Variants in SNX27 observed in about 807,000 individuals in gnomAD.
SNX27 encodes the protein sorting nexin-27.
Under a neutral mutation model 71.6 loss-of-function variants are expected in SNX27, and 22 were observed. The ratio of observed to expected loss-of-function variants is 0.31; its 90% CI spans 0.22 to 0.44. SNX27 has a LOEUF of 0.44. SNX27 is among the 20% of genes least tolerant of loss of function. The probability of loss-of-function intolerance (pLI) is 1.00; values close to 1 mark genes in which losing one functional copy is unlikely to be tolerated. For missense variants in SNX27, 531 were observed against 698.6 expected (o/e 0.76, Z 2.70); for synonymous variants, 269 against 277.2 (o/e 0.97, Z 0.29).
intron 2 of SNX27, among the ~76,000 whole-genome samples, chr1:151,641,695 C>CAT (rs1285974901): frequency 1.6e-5 from 2 of 125,020 alleles, no homozygotes; most frequent in South Asian, 2.5e-4. Context: ...ATATATATAT[C>CAT]ATATATATGA....
chr1:151,673,028 G>A (rs1290585234), intron 7 of SNX27, among the ~76,000 whole-genome samples: 5 of 150,630 alleles, frequency 3.3e-5, no homozygotes, highest in Non-Finnish European at 3.0e-5. Context: ...GGTTTGGTTT[G>A]CTCTTGCTTT....
chr1:151,653,255 T>A (rs1669502666), intron 2 of SNX27, among the ~76,000 whole-genome samples: 2 of 150,176 alleles, frequency 1.3e-5, no homozygotes, highest in Admixed American at 1.3e-4. Context: ...TTTGTTTGTT[T>A]GTTTTCCATT....
chr1:151,641,598 GATATATATATATATATATATATAT>G (rs56886589), intron 2 of SNX27, among the ~76,000 whole-genome samples: 2 of 78,994 alleles, frequency 2.5e-5, no homozygotes, highest in Non-Finnish European at 5.0e-5. Context: ...TCCTTTATCA[GATATATATATATATATATATATAT>G]ATATATATCA....
At chr1:151,623,367 T>C (rs1667767782) in intron 1 of SNX27, among the ~76,000 whole-genome samples, 1 of 152,040 alleles carries the variant, frequency 6.6e-6, no homozygotes, top group Admixed American at 6.6e-5. Flanking sequence ...GTCTCTATCT[T>C]CTGACCTCGT....
intron 11 of SNX27, 165 bp downstream of exon 11, chr1:151,693,648 G>C (rs1423991800): frequency 5.6e-6 from 9 of 1,613,140 alleles, no homozygotes; most frequent in Non-Finnish European, 7.6e-6. Flanking sequence ...TTCCAGCAAG[G>C]TTGGCCTCTG....
At chr1:151,665,563 A>T (rs2102689422) in intron 5 of SNX27, among the ~76,000 whole-genome samples, 1 of 152,314 alleles carries the variant, frequency 6.6e-6, no homozygotes, top group East Asian at 1.9e-4. Context: ...TCTTTTTAAG[A>T]TCTGTGCTAT....
intron 7 of SNX27, among the ~76,000 whole-genome samples, chr1:151,672,210 A>G (rs1353039412): frequency 1.3e-5 from 2 of 152,094 alleles, no homozygotes; most frequent in Non-Finnish European, 2.9e-5. Context: ...TTATGAAAGG[A>G]TGTTGAATTT....
At chr1:151,638,697 C>A (rs1251485044) in intron 1 of SNX27, among the ~76,000 whole-genome samples, 191 bp from the exon 2 acceptor site, 1 of 152,090 alleles carries the variant, frequency 6.6e-6, no homozygotes, top group Non-Finnish European at 1.5e-5. Flanking sequence ...CATTTTTCCC[C>A]CCGCCATAAG....
chr1:151,622,231 ACTGT>A (rs1667706852), intron 1 of SNX27, among the ~76,000 whole-genome samples: 1 of 152,170 alleles, frequency 6.6e-6, no homozygotes, highest in South Asian at 2.1e-4. Flanking sequence ...ATTTGTAAAG[ACTGT>A]CTTTCATAAA....
rs748293554 is a variant in SNX27, at chr1:151,638,895, G to A, written c.319G>A (p.Val107Met). 2.5e-6 allele frequency: 4 copies of A among 1,613,984 alleles called. No individual in the cohort carries two copies. Among genetic ancestry groups the A allele is most frequent in the East Asian group, 2.2e-5 (1 of 44,894 alleles). ...KGDRILEVNHVNVEGATHKQV... is the reference protein window; with the variant it reads ...KGDRILEVNHMNVEGATHKQV... ...TTCCCTTTTTCCCCTTAGGAACCAC[G>A]TGAATGTTGAGGGGGCGACACACAA... The change falls in exon 2 of 12, where the codon GTG (valine) becomes ATG (methionine). Residue 107 changes from valine to methionine, a missense_variant. Physicochemically the swap from Val to Met is conservative, Grantham distance 21. Transcript: ENST00000458013.
chr1:151,613,291 T>A (rs1411697385), intron 1 of SNX27: 1 of 152,752 alleles, frequency 6.5e-6, no homozygotes, highest in Non-Finnish European at 1.5e-5. Flanking sequence ...TAATTTGGAA[T>A]CTAGCGTCTC....
intron 1 of SNX27, among the ~76,000 whole-genome samples, chr1:151,637,460 G>T (rs1046052012): frequency 7.2e-5 from 11 of 152,180 alleles, no homozygotes; most frequent in Non-Finnish European, 8.8e-5. Flanking sequence ...TTATAGGCTT[G>T]AGCCACCGCG....
At chr1:151,623,718 T>A (rs566184367) in intron 1 of SNX27, among the ~76,000 whole-genome samples, 1 of 152,080 alleles carries the variant, frequency 6.6e-6, no homozygotes, top group Non-Finnish European at 1.5e-5. Flanking sequence ...TTTCTAACAT[T>A]TATTGTCCTC....
intron 1 of SNX27, among the ~76,000 whole-genome samples, chr1:151,631,103 A>G (rs1668210448): frequency 6.6e-6 from 1 of 152,242 alleles, no homozygotes; most frequent in Non-Finnish European, 1.5e-5. Flanking sequence ...TGAAAAGGAG[A>G]CAAACTGAAC....
rs1491529451 is a variant in SNX27, at chr1:151,696,470, T to TTTCG, written c.*2056_*2057insGTTC. The stretch of plus-strand genomic sequence containing the variant: ...TCATTGTGAGGCCACTTTTTCTTTC[T>TTTCG]TTCTTTCTTTCTTTCTTTCTTTCTT... On this transcript the variant is annotated 3_prime_UTR_variant, in exon 12 of 12. Coordinates refer to ENST00000458013, the MANE Select transcript of SNX27 (RefSeq NM_001330723.2). The TTTCG allele has an allele frequency of 5.6e-5, 4 of 71,466 alleles. No homozygotes were observed. The highest frequency in any genetic ancestry group is 4.0e-4 in the South Asian group (1 of 2,486). 4.4% of individuals were successfully genotyped at this position (71,466 alleles called of 1,614,324 possible).
intron 1 of SNX27, among the ~76,000 whole-genome samples, chr1:151,615,344 GTCTT>G (rs752741084): frequency 1.4e-3 from 219 of 152,002 alleles, no homozygotes; most frequent in Non-Finnish European, 2.8e-3. Context: ...ACTATACAGT[GTCTT>G]TCTCTTTTCT....
chr1:151,614,006 A>G (rs1481538757), intron 1 of SNX27: 1 of 152,020 alleles, frequency 6.6e-6, no homozygotes, highest in Non-Finnish European at 1.5e-5. Flanking sequence ...TAGGTTTGCA[A>G]AAGGGATAGT....
intron 2 of SNX27, among the ~76,000 whole-genome samples, chr1:151,642,484 G>C (rs1295111726): frequency 6.6e-6 from 1 of 151,856 alleles, no homozygotes; most frequent in Non-Finnish European, 1.5e-5. Flanking sequence ...TTTAAATTTT[G>C]ATATAGTCTC....
intron 8 of SNX27, among the ~76,000 whole-genome samples, chr1:151,687,647 T>C (rs930124171): frequency 6.6e-6 from 1 of 152,026 alleles, no homozygotes; most frequent in African/African-American, 2.4e-5. Flanking sequence ...AAACACTGAG[T>C]CTCTGCTTTA....
Sources: allele counts gnomAD v4.1 joint callset (sites outside exome capture counted in the v4.1 genomes callset), GRCh38; gene constraint gnomAD v4.1.1; transcripts MANE v1.5; gene names NCBI Gene and HGNC (gene_info 2026-07-23, HGNC 2026-07-21).